Variants in CD163L1 observed in about 807,000 individuals in gnomAD.
CD163L1 encodes CD163 molecule like 1.
Under a neutral mutation model 165.4 loss-of-function variants are expected in CD163L1, and 124 were observed. The ratio of observed to expected loss-of-function variants is 0.75; its 90% CI spans 0.65 to 0.87. The LOEUF (loss-of-function observed/expected upper bound fraction) is 0.87, where lower values mean the gene tolerates loss of function less well. Ranked by LOEUF, CD163L1 falls within the 40% of genes least tolerant of loss-of-function variation. CD163L1 has a pLI of 0.00. For synonymous variants in CD163L1, 585 were observed against 662.2 expected (o/e 0.88, Z 1.79); for missense variants, 1,525 against 1,799.9 (o/e 0.85, Z 2.76).
chr12:7,390,480 A>C (rs1028499221), intron 8 of CD163L1, among the ~76,000 whole-genome samples: 1 of 152,118 alleles, frequency 6.6e-6, no homozygotes, highest in East Asian at 1.9e-4. Context: ...GTACCCCATA[A>C]ATACGTACAC....
chr12:7,437,306 TTAA>T (rs1221040646), intron 2 of CD163L1, among the ~76,000 whole-genome samples: 1 of 142,500 alleles, frequency 7.0e-6, no homozygotes, highest in African/African-American at 2.8e-5. Context: ...TTTTATTTTA[TTAA>T]TGAATATTAT....
chr12:7,416,153 G>A (rs970347742), intron 4 of CD163L1, among the ~76,000 whole-genome samples: 3 of 152,078 alleles, frequency 2.0e-5, no homozygotes, highest in Non-Finnish European at 4.4e-5. Flanking sequence ...TGTGGTTTTG[G>A]TTTGCATTTC....
At chr12:7,389,385 T>C (rs1206417978) in intron 8 of CD163L1, among the ~76,000 whole-genome samples, 1 of 152,146 alleles carries the variant, frequency 6.6e-6, no homozygotes, top group Non-Finnish European at 1.5e-5. Flanking sequence ...ATATGCCTAT[T>C]ATGTTAAGTG....
At chr12:7,412,538 A>C (rs1186653463) in intron 4 of CD163L1, among the ~76,000 whole-genome samples, 1 of 152,210 alleles carries the variant, frequency 6.6e-6, no homozygotes, top group African/African-American at 2.4e-5. Context: ...GAAACATGCA[A>C]ATTCTAATCA....
At chr12:7,376,145 G>A (rs745866190) in intron 9 of CD163L1, 131 bp from the exon 10 acceptor site, 83 of 735,956 alleles carry the variant, frequency 1.1e-4, no homozygotes, top group Non-Finnish European at 1.8e-4. Context: ...TAGGGGCTCA[G>A]AGGACAAGAT....
intron 4 of CD163L1, among the ~76,000 whole-genome samples, chr12:7,418,584 A>T (rs767831955): frequency 6.6e-6 from 1 of 152,216 alleles, no homozygotes; most frequent in South Asian, 2.1e-4. Flanking sequence ...AGATGAATGA[A>T]ACAAAAAGCT....
At chr12:7,365,092 T>C (rs1370362478) in intron 18 of CD163L1, among the ~76,000 whole-genome samples, 3 of 151,994 alleles carry the variant, frequency 2.0e-5, no homozygotes, top group Non-Finnish European at 2.9e-5. Context: ...TGGAACAGAA[T>C]AGAGAACCCA....
At chr12:7,437,863 A>C (rs1948760317) in intron 2 of CD163L1, among the ~76,000 whole-genome samples, 1 of 151,570 alleles carries the variant, frequency 6.6e-6, no homozygotes, top group Non-Finnish European at 1.5e-5. Flanking sequence ...ACCCAACACC[A>C]GTTTTCCAAC....
At chr12:7,366,953 GATT>G (rs1157340826) in intron 18 of CD163L1, among the ~76,000 whole-genome samples, 15 of 152,126 alleles carry the variant, frequency 9.9e-5, no homozygotes, top group Non-Finnish European at 1.6e-4. Context: ...GTATTTGACT[GATT>G]ATTAGAAGAA....
chr12:7,324,243 T>G, the CD163L1 span: 3 of 1,608,916 alleles, frequency 1.9e-6, no homozygotes, highest in Non-Finnish European at 2.5e-6. Flanking sequence ...CTGACCAGAC[T>G]AATCCCCAAA....
At chr12:7,322,061 C>T in the CD163L1 span, among the ~76,000 whole-genome samples, 1 of 152,164 alleles carries the variant, frequency 6.6e-6, no homozygotes, top group African/African-American at 2.4e-5. Flanking sequence ...TTCTAAAGCC[C>T]TTACAACATA....
intron 8 of CD163L1, among the ~76,000 whole-genome samples, chr12:7,394,887 C>T (rs1438554754): frequency 6.6e-6 from 1 of 152,086 alleles, no homozygotes; most frequent in East Asian, 1.9e-4. Context: ...ATCAAAACCA[C>T]AGTGAGATAC....
At chr12:7,338,051 G>A in the CD163L1 span, among the ~76,000 whole-genome samples, 4 of 152,072 alleles carry the variant, frequency 2.6e-5, no homozygotes, top group South Asian at 4.1e-4. Context: ...CATTCTCAGC[G>A]AACTAACACA....
intron 4 of CD163L1, among the ~76,000 whole-genome samples, chr12:7,427,016 A>T (rs1038527570): frequency 2.0e-5 from 3 of 152,128 alleles, no homozygotes; most frequent in Admixed American, 6.6e-5. Flanking sequence ...AACAAGAAAA[A>T]ATATATATGA....
chr12:7,363,214 C>G (rs112154173), intron 18 of CD163L1, among the ~76,000 whole-genome samples: 348 of 152,018 alleles, frequency 2.3e-3, no homozygotes, highest in African/African-American at 7.9e-3. Flanking sequence ...GAGTTTGAGG[C>G]AGGAGATTTG....
At chr12:7,422,890 A>T (rs1363724975) in intron 4 of CD163L1, among the ~76,000 whole-genome samples, 2 of 151,812 alleles carry the variant, frequency 1.3e-5, no homozygotes, top group African/African-American at 4.8e-5. Context: ...GGAGACTTTA[A>T]CACCCCACTT....
rs1252788035 is a variant in CD163L1, at chr12:7,369,800, C to G, written c.3731-135G>C. 4.1e-6 allele frequency: 3 copies of G among 732,356 alleles called. No individual in the cohort carries two copies. The African/African-American group carries it at 5.3e-5, about 13-fold the overall frequency. The allele number at this position is 732,356 out of a possible 1,614,324, so 45.4% of individuals were successfully genotyped here. A position where few individuals can be genotyped will look rare whatever the true frequency, so the allele number is the denominator to read the frequency against. ...TAAGGAAGGCAGAATTTCAATGTTA[C>G]ATAGATTAGACAAGAACCTGTGAAG... On this transcript the variant is annotated intron_variant, in intron 14 of 19. Transcript: ENST00000313599. This position sits in a 1 kb window ranked among gnomAD's most constrained non-coding sequence, Gnocchi z 4.9.
At chr12:7,405,961 A>T (rs551537287) in intron 5 of CD163L1, among the ~76,000 whole-genome samples, 1 of 152,230 alleles carries the variant, frequency 6.6e-6, no homozygotes, top group Non-Finnish European at 1.5e-5. Flanking sequence ...ATAAATAAAC[A>T]GCGAGGGGTA....
Position 7,373,359 on chromosome 12 carries a change from T to C in CD163L1, c.3691A>G (p.Ile1231Val). The C allele has an allele frequency of 6.2e-7, 1 of 1,613,876 alleles. No individual in the cohort carries two copies. The highest frequency in any genetic ancestry group is 1.7e-5 in the Admixed American group (1 of 59,996). Residue 1231 changes from isoleucine to valine, a missense_variant, in exon 14 of 20, where the codon ATC becomes GTC. Physicochemically the swap from Ile to Val is conservative, Grantham distance 29. Coordinates refer to ENST00000313599, the MANE Select transcript of CD163L1 (RefSeq NM_174941.6). ...CAGGTCTCTTCTGCTGGGCTGGAGA[T>C]TCTTCGCTCCCATGGGGCAGACAGG... Reference protein sequence around the residue: ...QCLSAPWERRISSPAEETWIT... With the variant: ...QCLSAPWERRVSSPAEETWIT...
Sources: allele counts gnomAD v4.1 joint callset (sites outside exome capture counted in the v4.1 genomes callset), GRCh38; gene constraint gnomAD v4.1.1; non-coding constraint Gnocchi (gnomAD v3.1); transcripts MANE v1.5; gene names NCBI Gene and HGNC (gene_info 2026-07-23, HGNC 2026-07-21).